The following PKD1L1 variants were observed in gnomAD, a reference collection of about 807,000 sequenced individuals.
PKD1L1 encodes the protein polycystin-1-like protein 1.
In PKD1L1, 236 loss-of-function variants were observed where a neutral mutation model predicts 323.4. That is an observed-to-expected ratio of 0.73 (90% CI 0.66 to 0.81). The LOEUF (loss-of-function observed/expected upper bound fraction) is 0.81. PKD1L1 is among the 40% of genes least tolerant of loss of function. The pLI is 0.00. For missense variants in PKD1L1, 3,320 were observed against 3,508.0 expected (o/e 0.95, Z 1.35); for synonymous variants, 1,344 against 1,335.0 (o/e 1.01, Z -0.15).
In PKD1L1 at chr7:47,887,998, C is replaced by T. The variant is rs1356090050; in HGVS notation, c.2828G>A (p.Arg943Lys). 2 of 1,612,208 alleles carry T rather than the reference C, an allele frequency of 1.2e-6. No homozygotes were observed. The highest frequency in any genetic ancestry group is 8.5e-7 in the Non-Finnish European group (1 of 1,179,086). ...CTATTAATCCTTTTTACCTTCTATC[C>T]TATTCTTTTCTGTTGCATTGACTAA... ...LFLVNATEKN[R>K]IEVPFCRVVG... The change falls in exon 17 of 57, where the codon AGG (arginine) becomes AAG (lysine). Residue 943 changes from arginine (R) to lysine (K), a missense_variant. Coordinates refer to ENST00000289672, the MANE Select transcript of PKD1L1 (RefSeq NM_138295.5).
At chr7:47,832,574 A>G (rs1366490654) in intron 41 of PKD1L1, among the ~76,000 whole-genome samples, 3 of 152,162 alleles carry the variant, frequency 2.0e-5, no homozygotes, top group Non-Finnish European at 2.9e-5. Context: ...CCATCTGCTC[A>G]TGTACCATGT....
At chr7:47,896,110 G>T (rs1174996153) in intron 14 of PKD1L1, among the ~76,000 whole-genome samples, 1 of 152,110 alleles carries the variant, frequency 6.6e-6, no homozygotes, top group Non-Finnish European at 1.5e-5. Context: ...GCTGAGGCAG[G>T]CAAATTGCTT....
In PKD1L1 at chr7:47,854,884, T is replaced by C. The variant is rs764931827; in HGVS notation, c.4857A>G (p.Val1619=). ...VTRAFPVMLL[V]RFSEKPTPSD... ...TGTAGCTGTCACCATCAACACACCT[T>C]ACTAGCAACATGACGGGAAATGCCC... Residue 1619 remains valine, a splice_region_variant and synonymous_variant, in exon 30 of 57, where the codon GTA becomes GTG. Transcript: ENST00000289672. 9 of 1,614,028 alleles carry C rather than the reference T, an allele frequency of 5.6e-6. No individual in the cohort carries two copies. Among genetic ancestry groups the C allele is most frequent in the South Asian group, 1.1e-5 (1 of 91,024 alleles).
chr7:47,954,684 G>A, the PKD1L1 span, among the ~76,000 whole-genome samples: 27,975 of 152,072 alleles, frequency 0.18, 3,558 homozygotes, highest in African/African-American at 0.36. Flanking sequence ...GCTTATAAAT[G>A]CTCACATTTT....
chr7:47,857,694 C>A lies in PKD1L1; in HGVS notation c.4501G>T (p.Ala1501Ser), dbSNP rs374339204. 7.4e-6 allele frequency: 12 copies of A among 1,614,070 alleles called. No homozygotes were observed. The highest frequency in any genetic ancestry group is 1.3e-5 in the African/African-American group (1 of 74,926). The change falls in exon 28 of 57, where the codon GCT becomes TCT. Residue 1501 changes from alanine to serine, a missense_variant. Coordinates refer to ENST00000289672, the MANE Select transcript of PKD1L1 (RefSeq NM_138295.5). ...CATGGGCTCTGTGTCTCCGCCCCAG[C>A]AGGACTGTGCCCAGCAAGGTCACCA... ...LPGDLAGHSPAGAETQSPCYI... is the reference protein window; with the variant it reads ...LPGDLAGHSPSGAETQSPCYI...
the PKD1L1 span, among the ~76,000 whole-genome samples, chr7:47,959,446 G>C: frequency 6.8e-6 from 1 of 147,272 alleles, no homozygotes; most frequent in Non-Finnish European, 1.5e-5. Flanking sequence ...CCCATCGTCT[G>C]AGATGTGGGG....
intron 47 of PKD1L1, 119 bp downstream of exon 47, chr7:47,815,215 A>G (rs1178876432): frequency 5.2e-6 from 7 of 1,353,920 alleles, no homozygotes; most frequent in Non-Finnish European, 7.0e-6. Context: ...CCGGCCTTAC[A>G]CCTGCATGGT....
In PKD1L1 at chr7:47,821,815, G is replaced by A. The variant is rs144467865; in HGVS notation, c.6855-629C>T. On this transcript the variant is annotated intron_variant, in intron 45 of 56. Transcript: ENST00000289672. ...CGATTCTCCTGCCTCAGCCTCCTGA[G>A]TAGCAGGGATTACAGGCACCCACCA... Among the ~76,000 whole-genome samples, 925 of 151,962 alleles carry A rather than the reference G, an allele frequency of 6.1e-3. 8 individuals carry two copies. Among genetic ancestry groups the A allele is most frequent in the African/African-American group, 0.021 (882 of 41,424 alleles).
In PKD1L1 at chr7:47,800,708, C is replaced by A. The variant is rs1432543278; in HGVS notation, c.8134G>T (p.Ala2712Ser). Residue 2712 changes from alanine to serine, a missense_variant, in exon 54 of 57, where the codon GCC (alanine) becomes TCC (serine). Transcript: ENST00000289672. ...LLGLSKSDQR[A>S]MACYFGILLI... ...AGGATCCCAAAGTAACAAGCCATGG[C>A]CCGCTGGTCAGACTTGGAAAGGCCA... is the stretch of plus-strand genomic sequence containing the variant. 3 of 1,614,074 alleles carry A rather than the reference C, an allele frequency of 1.9e-6. No homozygotes were observed. The highest frequency in any genetic ancestry group is 2.5e-6 in the Non-Finnish European group (3 of 1,180,050).
Position 47,855,247 on chromosome 7 carries a change from G to A in PKD1L1, c.4609C>T (p.Leu1537Phe). The A allele has an allele frequency of 1.9e-6, 3 of 1,613,230 alleles. No individual in the cohort carries two copies. Among genetic ancestry groups the A allele is most frequent in the Non-Finnish European group, 1.7e-6 (2 of 1,179,416 alleles). ...CTGCTGGAGCAGGTATAGAGGTTGA[G>A]GCCCACAACTCCACCAATCTTGGGG... ...APGQIGGVVG[L>F]NLYTCSSRRP... is the part of the protein sequence containing the mutation. The change falls in exon 29 of 57, where the codon CTC becomes TTC. Residue 1537 changes from leucine (L) to phenylalanine (F), a missense_variant. Transcript: ENST00000289672.
At chr7:47,888,228 T>A in intron 16 of PKD1L1, 78 bp from the exon 17 acceptor site, 2 of 1,420,974 alleles carry the variant, frequency 1.4e-6, no homozygotes, top group East Asian at 2.3e-5. Flanking sequence ...ATGTTAGGCA[T>A]GTTTAAATCA....
At position 47,796,168 on chromosome 7, in the gene PKD1L1, AT is replaced by A. The variant is rs1483434899; in HGVS notation, c.8194-19del. 5.1e-6 allele frequency: 8 copies of A among 1,556,570 alleles called. No individual in the cohort carries two copies. Among genetic ancestry groups the A allele is most frequent in the Non-Finnish European group, 7.0e-6 (8 of 1,148,876 alleles). On this transcript the variant is annotated intron_variant, in intron 54 of 56. Coordinates refer to ENST00000289672, the MANE Select transcript of PKD1L1 (RefSeq NM_138295.5). The stretch of plus-strand genomic sequence containing the variant: ...CCTCTCAGCTAGGAAAAAGAAAAAA[AT>A]AAAGACAAATTTCATGTTAGCAGCC...
chr7:47,877,721 G>A, intron 21 of PKD1L1, 90 bp from the exon 22 acceptor site: 8 of 1,448,844 alleles, frequency 5.5e-6, no homozygotes, highest in East Asian at 2.5e-5. Flanking sequence ...CTTATAGCAG[G>A]GGTTCTCAAA....
At chr7:47,879,604 G>A (rs1455130081) in intron 21 of PKD1L1, among the ~76,000 whole-genome samples, 1 of 139,622 alleles carries the variant, frequency 7.2e-6, no homozygotes, top group Non-Finnish European at 1.5e-5. Flanking sequence ...CTGCACTCCA[G>A]CCTGGGCAAC....
chr7:47,812,922 C>T lies in PKD1L1; in HGVS notation c.7346+199G>A, dbSNP rs143609427. Among the ~76,000 whole-genome samples, 426 of 152,374 alleles carry T rather than the reference C, an allele frequency of 2.8e-3. 1 individual carries two copies. The highest frequency in any genetic ancestry group is 9.6e-3 in the African/African-American group (400 of 41,602). The stretch of plus-strand genomic sequence containing the variant: ...AGAACGTTTGCTCTGTGCTCTCCCA[C>T]GTGGAGGCCTGAGCCTGTGTGATGC... On this transcript the variant is annotated intron_variant, in intron 49 of 56. Coordinates refer to ENST00000289672, the MANE Select transcript of PKD1L1 (RefSeq NM_138295.5).
At chr7:47,835,300 G>A (rs1785435004) in intron 37 of PKD1L1, 57 bp from the exon 38 acceptor site, 2 of 1,106,850 alleles carry the variant, frequency 1.8e-6, no homozygotes, top group South Asian at 1.5e-5. Context: ...CGCTTAAAAC[G>A]CAGTCATTGT....
chr7:47,880,893 C>A (rs1054402938), intron 20 of PKD1L1, 88 bp from the exon 21 acceptor site: 37 of 1,021,702 alleles, frequency 3.6e-5, no homozygotes, highest in Non-Finnish European at 4.8e-5. Flanking sequence ...GAGTTCCACT[C>A]TTCCCCCAGG....
chr7:47,960,426 T>C, the PKD1L1 span, among the ~76,000 whole-genome samples: 2 of 125,338 alleles, frequency 1.6e-5, no homozygotes, highest in Non-Finnish European at 3.4e-5. Context: ...AGCTCCATAT[T>C]TACAGCTGTA....
chr7:47,846,824 A>G, intron 32 of PKD1L1, 55 bp downstream of exon 32: 1 of 1,524,618 alleles, frequency 6.6e-7, no homozygotes, highest in Non-Finnish European at 8.9e-7. Context: ...CAAATGCAGA[A>G]GACAAGGCAG....
Sources: gnomAD v4.1 joint callset for allele counts (sites outside exome capture counted in the v4.1 genomes callset) on GRCh38, gnomAD v4.1.1 for gene constraint, MANE v1.5 for transcripts, NCBI Gene and HGNC (gene_info 2026-07-23, HGNC 2026-07-21) for gene names.